Variants in NALF1 observed in about 807,000 individuals in gnomAD.
NALF1 encodes the protein family with sequence similarity 155 member A.
NALF1 carries 3 observed loss-of-function variants against 48.4 expected under a neutral mutation model. The ratio of observed to expected loss-of-function variants is 0.06; its 90% confidence interval spans 0.03 to 0.16. NALF1 has a LOEUF of 0.16. Among genes scored for constraint, NALF1 ranks in the 10% least tolerant of loss-of-function variants. The probability of loss-of-function intolerance (pLI) is 1.00; values close to 1 mark genes in which losing one functional copy is unlikely to be tolerated. For synonymous variants in NALF1, 262 were observed against 245.7 expected (o/e 1.07, Z -0.62); for missense variants, 526 against 571.5 (o/e 0.92, Z 0.81).
chr13:107,317,629 C>G (rs1462533527), intron 1 of NALF1, among the ~76,000 whole-genome samples: 5 of 151,908 alleles, frequency 3.3e-5, no homozygotes, highest in Non-Finnish European at 2.9e-5. Context: ...ATCTTTAATT[C>G]TTAACTTATA....
At chr13:107,255,377 A>G (rs1880792472) in intron 1 of NALF1, among the ~76,000 whole-genome samples, 1 of 152,092 alleles carries the variant, frequency 6.6e-6, no homozygotes, top group Non-Finnish European at 1.5e-5. Flanking sequence ...AACCCCTTTT[A>G]AATTACAGTG....
chr13:107,504,928 A>G (rs1875646825), intron 1 of NALF1, among the ~76,000 whole-genome samples: 1 of 152,232 alleles, frequency 6.6e-6, no homozygotes, highest in Non-Finnish European at 1.5e-5. Context: ...GCCTGGTTTC[A>G]GGTCTGGGAG....
intron 1 of NALF1, among the ~76,000 whole-genome samples, chr13:107,851,651 T>C (rs1248576177): frequency 1.3e-5 from 2 of 152,172 alleles, no homozygotes; most frequent in African/African-American, 2.4e-5. Context: ...TTGAAATTGC[T>C]GCACTGTCTT....
Position 107,219,112 on chromosome 13 carries a change from A to G in NALF1, c.916-8357T>C, listed in dbSNP as rs576465686. Among the ~76,000 whole-genome samples the G allele has an allele frequency of 4.0e-4, 61 of 152,316 alleles. No individual in the cohort carries two copies. In the South Asian group the frequency reaches 0.012, roughly 31 times the overall value. Reference sequence around the variant, plus strand: ...GGTGGGAGCTCTGCTGTGGGCATCAAAAAAGAAGAAAGTCACTCCATAAGA... The same window carrying G: ...GGTGGGAGCTCTGCTGTGGGCATCAGAAAAGAAGAAAGTCACTCCATAAGA... On this transcript the variant is annotated intron_variant, in intron 1 of 2. Transcript: ENST00000375915.
At position 107,589,408 on chromosome 13, in the gene NALF1, A is replaced by T. The variant is rs188588620; in HGVS notation, c.915+276274T>A. Among the ~76,000 whole-genome samples, 238 of 152,176 alleles carry T rather than the reference A, an allele frequency of 1.6e-3. 1 individual carries two copies. The highest frequency in any genetic ancestry group is 5.4e-3 in the African/African-American group (224 of 41,552). ...CTAGGATAAATTTGTGTATAAAAAT[A>T]ATTGCTGAAACACCAAGATTTTACA... On this transcript the variant is annotated intron_variant, in intron 1 of 2. Transcript: ENST00000375915.
chr13:107,863,650 C>T (rs1880636712), intron 1 of NALF1, among the ~76,000 whole-genome samples: 1 of 152,052 alleles, frequency 6.6e-6, no homozygotes, highest in Non-Finnish European at 1.5e-5. Context: ...CTTTTTTGTG[C>T]CTACAATTAA....
intron 1 of NALF1, among the ~76,000 whole-genome samples, chr13:107,860,214 C>G (rs1350894330): frequency 6.6e-6 from 1 of 152,166 alleles, no homozygotes; most frequent in Non-Finnish European, 1.5e-5. Context: ...CTCTGAGACC[C>G]AGTTAGTTCA....
intron 1 of NALF1, among the ~76,000 whole-genome samples, chr13:107,250,970 C>G (rs889367140): frequency 2.6e-5 from 4 of 152,134 alleles, no homozygotes; most frequent in Non-Finnish European, 5.9e-5. Context: ...TGAGGCCTCC[C>G]CAGCCATGCC....
chr13:107,299,669 GA>G (rs1254224620), intron 1 of NALF1, among the ~76,000 whole-genome samples: 2 of 148,610 alleles, frequency 1.3e-5, no homozygotes, highest in African/African-American at 2.5e-5. Flanking sequence ...CATCTGTAAG[GA>G]AGAACTGTTC....
chr13:107,765,889 T>C (rs1436836567), intron 1 of NALF1, among the ~76,000 whole-genome samples: 2 of 152,200 alleles, frequency 1.3e-5, no homozygotes, highest in African/African-American at 4.8e-5. Flanking sequence ...TTGAGGAACA[T>C]GTCTATGACA....
intron 2 of NALF1, among the ~76,000 whole-genome samples, chr13:107,200,225 A>G (rs375668928): frequency 2.0e-3 from 300 of 152,118 alleles, no homozygotes; most frequent in African/African-American, 6.9e-3. Context: ...GTCAGGGAGG[A>G]CCTCCTCCTG....
intron 1 of NALF1, among the ~76,000 whole-genome samples, chr13:107,401,090 A>C (rs937252865): frequency 2.6e-5 from 4 of 152,166 alleles, no homozygotes; most frequent in Non-Finnish European, 1.5e-5. Context: ...AATATTAAAT[A>C]AAAAATTCTA....
chr13:107,709,043 G>T (rs1875490988), intron 1 of NALF1, among the ~76,000 whole-genome samples: 1 of 152,164 alleles, frequency 6.6e-6, no homozygotes, highest in Admixed American at 6.5e-5. Context: ...GATAACAACA[G>T]CAATGGTATT....
intron 1 of NALF1, among the ~76,000 whole-genome samples, chr13:107,654,920 T>C (rs572139703): frequency 1.3e-5 from 2 of 152,098 alleles, no homozygotes; most frequent in South Asian, 4.2e-4. Context: ...TCAACAGACG[T>C]AGAAAAAGCA....
At chr13:107,377,471 C>T (rs1357730117) in intron 1 of NALF1, among the ~76,000 whole-genome samples, 4 of 152,070 alleles carry the variant, frequency 2.6e-5, no homozygotes, top group Non-Finnish European at 5.9e-5. Flanking sequence ...TTGGCAAGGG[C>T]CTTATCAGGA....
chr13:107,618,200 T>C lies in NALF1; in HGVS notation c.915+247482A>G, dbSNP rs112589265. ...GGAAGAAAAGAGATTTCAGCTGAGA[T>C]AGAAACCAGAAGAAACAAGCTATTC... On this transcript the variant is annotated intron_variant, in intron 1 of 2. Coordinates refer to ENST00000375915, the MANE Select transcript of NALF1 (RefSeq NM_001080396.3). Among the ~76,000 whole-genome samples, 277 of 151,764 alleles carry C rather than the reference T, an allele frequency of 1.8e-3. 1 individual carries two copies. The highest frequency in any genetic ancestry group is 5.9e-3 in the African/African-American group (243 of 41,382).
intron 1 of NALF1, among the ~76,000 whole-genome samples, chr13:107,329,023 T>C (rs1245149138): frequency 6.6e-6 from 1 of 152,016 alleles, no homozygotes; most frequent in Non-Finnish European, 1.5e-5. Context: ...TCTCAATGAG[T>C]TATCAAAATG....
intron 1 of NALF1, among the ~76,000 whole-genome samples, chr13:107,220,370 A>G (rs1879964151): frequency 6.6e-6 from 1 of 152,230 alleles, no homozygotes; most frequent in Non-Finnish European, 1.5e-5. Context: ...TTCTTTAAAC[A>G]TGTTGCCTAT....
intron 1 of NALF1, among the ~76,000 whole-genome samples, chr13:107,755,066 A>G (rs1877056311): frequency 1.3e-5 from 2 of 152,208 alleles, no homozygotes; most frequent in South Asian, 4.1e-4. Flanking sequence ...ATTGTTGATA[A>G]ATTGAGAAAA....
Sources: gnomAD v4.1 joint callset for allele counts (sites outside exome capture counted in the v4.1 genomes callset) on GRCh38, gnomAD v4.1.1 for gene constraint, MANE v1.5 for transcripts, NCBI Gene and HGNC (gene_info 2026-07-23, HGNC 2026-07-21) for gene names.